The following PPARGC1A variants were observed in gnomAD, a reference collection of about 807,000 sequenced individuals.
PPARGC1A encodes PPARG coactivator 1 alpha.
Under a neutral mutation model 88.7 loss-of-function variants are expected in PPARGC1A, and 25 were observed. The observed-to-expected ratio is 0.28, with a 90% CI of 0.21 to 0.39. The LOEUF is 0.39. Among genes scored for constraint, PPARGC1A ranks in the 10% least tolerant of loss-of-function variants. The pLI is 1.00. For synonymous variants in PPARGC1A, 363 were observed against 355.6 expected (o/e 1.02, Z -0.24); for missense variants, 880 against 968.7 (o/e 0.91, Z 1.22).
chr4:24,224,146 G>A, the PPARGC1A span, among the ~76,000 whole-genome samples: 10 of 152,150 alleles, frequency 6.6e-5, no homozygotes, highest in Non-Finnish European at 1.5e-5. Flanking sequence ...ACACCCTGGG[G>A]GCTGCAGTGG....
At chr4:24,201,767 TAA>T in the PPARGC1A span, among the ~76,000 whole-genome samples, 19 of 152,346 alleles carry the variant, frequency 1.2e-4, no homozygotes, top group East Asian at 3.3e-3. Flanking sequence ...ATTTTTAATA[TAA>T]GTGACTCATA....
At chr4:23,831,106 T>G (rs1462124814) in intron 3 of PPARGC1A, among the ~76,000 whole-genome samples, 2 of 152,158 alleles carry the variant, frequency 1.3e-5, no homozygotes, top group East Asian at 3.8e-4. Context: ...TTAGAATATT[T>G]CCATACAATA....
At chr4:23,962,526 A>T in the PPARGC1A span, among the ~76,000 whole-genome samples, 1 of 152,188 alleles carries the variant, frequency 6.6e-6, no homozygotes, top group African/African-American at 2.4e-5. Context: ...AGTCAAAAGC[A>T]GTCAATGCTT....
chr4:24,343,384 T>C, the PPARGC1A span, among the ~76,000 whole-genome samples: 3 of 152,114 alleles, frequency 2.0e-5, no homozygotes, highest in South Asian at 6.2e-4. Context: ...ACGGCTTGAG[T>C]AGGAGTGAGT....
the PPARGC1A span, among the ~76,000 whole-genome samples, chr4:24,106,824 C>A: frequency 6.6e-6 from 1 of 152,214 alleles, no homozygotes; most frequent in African/African-American, 2.4e-5. Context: ...GCTGACCCAC[C>A]AGCTGGCTCA....
the PPARGC1A span, among the ~76,000 whole-genome samples, chr4:24,268,563 T>C: frequency 1.3e-5 from 2 of 152,314 alleles, no homozygotes; most frequent in East Asian, 3.9e-4. Context: ...CAAATTTGTT[T>C]AAAGCGTTTC....
the PPARGC1A span, among the ~76,000 whole-genome samples, chr4:24,274,689 T>C: frequency 2.6e-5 from 4 of 152,224 alleles, no homozygotes; most frequent in Admixed American, 2.6e-4. Flanking sequence ...TTGTCTTATC[T>C]GCCATAACTT....
the PPARGC1A span, among the ~76,000 whole-genome samples, chr4:24,023,343 T>G: frequency 2.0e-5 from 3 of 152,078 alleles, no homozygotes; most frequent in African/African-American, 7.2e-5. Context: ...CTCACATATA[T>G]GAAAGTTGAA....
chr4:23,848,547 G>A (rs984777916), intron 2 of PPARGC1A, among the ~76,000 whole-genome samples: 1 of 152,124 alleles, frequency 6.6e-6, no homozygotes, highest in Non-Finnish European at 1.5e-5. Flanking sequence ...GGTGGCCCTG[G>A]AATAGATCTG....
the PPARGC1A span, among the ~76,000 whole-genome samples, chr4:23,932,817 T>C: frequency 1.3e-5 from 2 of 152,270 alleles, no homozygotes; most frequent in African/African-American, 2.4e-5. Context: ...CTCAGGGTAC[T>C]GCATATTCTA....
At chr4:24,267,464 A>G in the PPARGC1A span, among the ~76,000 whole-genome samples, 1 of 152,166 alleles carries the variant, frequency 6.6e-6, no homozygotes, top group Non-Finnish European at 1.5e-5. Context: ...CTAAGGGTTC[A>G]TTTTTATATC....
the PPARGC1A span, among the ~76,000 whole-genome samples, chr4:24,089,504 TC>T: frequency 0.053 from 6,629 of 125,856 alleles, 477 homozygotes; most frequent in African/African-American, 0.13. Flanking sequence ...TCTTTTCTTT[TC>T]TTTTCTTTCT....
At chr4:23,820,679 A>C in intron 7 of PPARGC1A, 1 of 409,954 alleles carries the variant, frequency 2.4e-6, no homozygotes. Context: ...AAAATGAGCT[A>C]GTTTAGGACA....
At chr4:24,448,663 A>G in the PPARGC1A span, among the ~76,000 whole-genome samples, 77,869 of 151,844 alleles carry the variant, frequency 0.51, 20,597 homozygotes, top group African/African-American at 0.65. Flanking sequence ...GTTGCTTCCC[A>G]CCTGGCCTCT....
upstream of PPARGC1A, among the ~76,000 whole-genome samples, chr4:23,900,677 A>T (rs1719227193): frequency 6.6e-6 from 1 of 152,200 alleles, no homozygotes; most frequent in African/African-American, 2.4e-5. Flanking sequence ...AGCACATCAG[A>T]TGTTCTCTTT....
At chr4:23,809,692 A>G (rs912358102) in intron 10 of PPARGC1A, among the ~76,000 whole-genome samples, 1 of 152,226 alleles carries the variant, frequency 6.6e-6, no homozygotes, top group Non-Finnish European at 1.5e-5. Flanking sequence ...ATAAAAAGAT[A>G]AATGAAGTAT....
chr4:23,841,690 A>G (rs1029956104), intron 2 of PPARGC1A, among the ~76,000 whole-genome samples: 12 of 152,086 alleles, frequency 7.9e-5, no homozygotes, highest in South Asian at 4.1e-4. Flanking sequence ...GATTTTCTCA[A>G]TCCCCTTCAA....
chr4:23,889,255 C>T (rs781307970), intron 1 of PPARGC1A: 1 of 985,414 alleles, frequency 1.0e-6, no homozygotes, highest in South Asian at 4.7e-5. Flanking sequence ...GCTTCCCTGC[C>T]ACCGACGCGA....
At chr4:24,128,409 T>C in the PPARGC1A span, among the ~76,000 whole-genome samples, 2 of 152,176 alleles carry the variant, frequency 1.3e-5, no homozygotes, top group African/African-American at 4.8e-5. Flanking sequence ...CATTTTAGAT[T>C]ATTATGATTT....
Sources: allele counts gnomAD v4.1 joint callset (sites outside exome capture counted in the v4.1 genomes callset), GRCh38; gene constraint gnomAD v4.1.1; transcripts MANE v1.5; gene names NCBI Gene and HGNC (gene_info 2026-07-23, HGNC 2026-07-21).